Variants in DLG2 observed in about 807,000 individuals in gnomAD.
DLG2 encodes the protein disks large homolog 2.
In DLG2, 45 loss-of-function variants were observed where a neutral mutation model predicts 132.5. That is an observed-to-expected ratio of 0.34 (90% CI 0.27 to 0.44). DLG2 has a LOEUF of 0.44. DLG2 is among the 20% of genes least tolerant of loss of function. The pLI is 1.00. For missense variants in DLG2, 1,045 were observed against 1,196.9 expected, an observed-to-expected ratio of 0.87 and a Z score of 1.87; for synonymous variants, 424 against 419.6, an observed-to-expected ratio of 1.01 and a Z score of -0.13.
At chr11:84,319,261 C>T (rs2098389088) in intron 7 of DLG2, among the ~76,000 whole-genome samples, 1 of 151,742 alleles carries the variant, frequency 6.6e-6, no homozygotes, top group African/African-American at 2.4e-5. Flanking sequence ...CCTGAAAGAA[C>T]TGTTGGGTCG....
At chr11:84,856,979 T>C (rs961193440) in intron 6 of DLG2, among the ~76,000 whole-genome samples, 1 of 151,832 alleles carries the variant, frequency 6.6e-6, no homozygotes, top group African/African-American at 2.4e-5. Flanking sequence ...GAAGAGATCA[T>C]TTCTATAGGA....
At chr11:83,829,979 G>A (rs1048411237) in intron 17 of DLG2, among the ~76,000 whole-genome samples, 11 of 152,026 alleles carry the variant, frequency 7.2e-5, no homozygotes, top group African/African-American at 2.2e-4. Flanking sequence ...TCCCACCTAT[G>A]AGTGAGAACA....
chr11:84,223,666 C>T (rs2096948632), intron 8 of DLG2, among the ~76,000 whole-genome samples: 1 of 151,790 alleles, frequency 6.6e-6, no homozygotes, highest in South Asian at 2.1e-4. Flanking sequence ...AACAGATTCT[C>T]CTGCCTCAGC....
chr11:85,412,542 C>T (rs940215901), intron 3 of DLG2, among the ~76,000 whole-genome samples: 4 of 151,548 alleles, frequency 2.6e-5, no homozygotes, highest in Non-Finnish European at 5.9e-5. Context: ...CACGGAGTCC[C>T]CAGAGTTCAC....
chr11:83,511,550 G>T (rs192997716), intron 21 of DLG2, among the ~76,000 whole-genome samples: 3 of 152,038 alleles, frequency 2.0e-5, no homozygotes, highest in Admixed American at 2.0e-4. Context: ...ATGGAACCAC[G>T]CATGAAAGGG....
At chr11:84,935,469 C>T (rs146638585) in intron 6 of DLG2, among the ~76,000 whole-genome samples, 1 of 152,266 alleles carries the variant, frequency 6.6e-6, no homozygotes, top group Non-Finnish European at 1.5e-5. Flanking sequence ...ATTCTATGAT[C>T]CAGCCACATT....
chr11:83,746,775 C>A (rs1001562387), intron 18 of DLG2, among the ~76,000 whole-genome samples: 1 of 152,124 alleles, frequency 6.6e-6, no homozygotes, highest in African/African-American at 2.4e-5. Context: ...TCTTTCAAAG[C>A]AGCTCCTTAT....
intron 15 of DLG2, 136 bp downstream of exon 15, chr11:83,930,192 G>C (rs1322615223): frequency 1.0e-6 from 1 of 1,002,828 alleles, no homozygotes; most frequent in African/African-American, 1.6e-5. Flanking sequence ...ATTGCACCAA[G>C]GGAACAGCAG....
intron 6 of DLG2, among the ~76,000 whole-genome samples, chr11:85,056,650 T>G (rs1172580418): frequency 6.6e-6 from 1 of 151,780 alleles, no homozygotes; most frequent in Non-Finnish European, 1.5e-5. Flanking sequence ...ATTCAAGAAG[T>G]GCTGCAAATC....
rs140959600 is a variant in DLG2, at chr11:85,460,113, C to T, written c.40+138544G>A. Among the ~76,000 whole-genome samples the T allele has an allele frequency of 1.6e-4, 24 of 152,294 alleles. 1 individual carries two copies. Among genetic ancestry groups the T allele is most frequent in the African/African-American group, 5.1e-4 (21 of 41,558 alleles). ...CACAGACAGGGGGTGGCTGGAGACC[C>T]AGACCACTGGGCCTCATCCTGTGAA... On this transcript the variant is annotated intron_variant, in intron 3 of 27. Transcript: ENST00000376104.
intron 19 of DLG2, among the ~76,000 whole-genome samples, chr11:83,591,777 A>G (rs1311919315): frequency 6.6e-6 from 1 of 152,222 alleles, no homozygotes; most frequent in African/African-American, 2.4e-5. Context: ...TTAAGCTGGT[A>G]AGCAACTTCA....
rs764035887 is a variant in DLG2, at chr11:84,273,123, T to C, written c.520-21832A>G. On this transcript the variant is annotated intron_variant, in intron 7 of 27. Coordinates refer to ENST00000376104, the MANE Select transcript of DLG2 (RefSeq NM_001142699.3). ...AAGGAAGAATAAATAAAAGAATCCC[T>C]AGGAAAATAAAAGAAAATTTTCCTT... is the stretch of plus-strand genomic sequence containing the variant. The C allele has an allele frequency of 6.1e-6, 9 of 1,482,132 alleles. No individual in the cohort carries two copies. The South Asian group carries it at 1.1e-4, about 18-fold the overall frequency. 91.8% of individuals were successfully genotyped at this position (1,482,132 alleles called of 1,614,324 possible).
intron 6 of DLG2, among the ~76,000 whole-genome samples, chr11:84,862,318 C>T (rs1300337428): frequency 6.6e-6 from 1 of 152,142 alleles, no homozygotes; most frequent in Non-Finnish European, 1.5e-5. Flanking sequence ...AGTCAGGAAA[C>T]AACAGATGCT....
At chr11:84,766,995 G>A (rs1036414541) in intron 6 of DLG2, among the ~76,000 whole-genome samples, 1 of 152,000 alleles carries the variant, frequency 6.6e-6, no homozygotes, top group Admixed American at 6.6e-5. Flanking sequence ...TACACACCCG[G>A]ATTTGAATCT....
rs1451651065 is a variant in DLG2, at chr11:83,744,132, T to C, written c.1825+42558A>G. Among the ~76,000 whole-genome samples, 5 of 152,184 alleles carry C rather than the reference T, an allele frequency of 3.3e-5. No individual in the cohort carries two copies. In the East Asian group the frequency reaches 9.6e-4, roughly 29 times the overall value. On this transcript the variant is annotated intron_variant, in intron 18 of 27. Coordinates refer to ENST00000376104, the MANE Select transcript of DLG2 (RefSeq NM_001142699.3). ...ACCAAGCTTATCCAGAATTGAATGT[T>C]GAGAGGCAGTTCTGTGGTAGTGGAT...
intron 8 of DLG2, among the ~76,000 whole-genome samples, chr11:84,184,891 C>T (rs1366999183): frequency 6.6e-6 from 1 of 152,050 alleles, no homozygotes; most frequent in Non-Finnish European, 1.5e-5. Flanking sequence ...AGATATGCGA[C>T]ATTATTTCTG....
chr11:85,274,275 G>A (rs748198050), intron 4 of DLG2, among the ~76,000 whole-genome samples: 6 of 152,046 alleles, frequency 3.9e-5, no homozygotes, highest in African/African-American at 9.7e-5. Flanking sequence ...AGATTAGGTC[G>A]AGCAGTGCAA....
chr11:83,999,573 C>T (rs1601092), intron 11 of DLG2, among the ~76,000 whole-genome samples: 22,029 of 151,942 alleles, frequency 0.14, 1,976 homozygotes, highest in East Asian at 0.31. Context: ...CCTAGACCCC[C>T]TAACATTAGT....
At chr11:84,223,825 G>A (rs979096514) in intron 8 of DLG2, among the ~76,000 whole-genome samples, 1 of 152,128 alleles carries the variant, frequency 6.6e-6, no homozygotes, top group African/African-American at 2.4e-5. Flanking sequence ...CAAAGTTCTG[G>A]GATTACAGGC....
Sources: allele counts gnomAD v4.1 joint callset (sites outside exome capture counted in the v4.1 genomes callset), GRCh38; gene constraint gnomAD v4.1.1; transcripts MANE v1.5; gene names NCBI Gene and HGNC (gene_info 2026-07-23, HGNC 2026-07-21).